SELENOO: variants seen among roughly 807,000 people sequenced by gnomAD.
SELENOO encodes the protein protein adenylyltransferase SelO, mitochondrial.
SELENOO carries 74 observed loss-of-function variants against 58.7 expected under a neutral mutation model. The observed-to-expected ratio is 1.26, with a 90% CI of 1.04 to 1.53. SELENOO has a LOEUF of 1.53. Ranked by LOEUF, SELENOO falls within the 40% of genes most tolerant of loss-of-function variation. The pLI is 0.00. For missense variants in SELENOO, 1,149 were observed against 970.0 expected (o/e 1.18, Z -2.45); for synonymous variants, 543 against 453.2 (o/e 1.20, Z -2.52).
In SELENOO at chr22:50,205,337, C is replaced by T. The variant is rs1415775704; in HGVS notation, c.555-980C>T. On this transcript the variant is annotated intron_variant, in intron 1 of 8. Coordinates refer to ENST00000380903, the MANE Select transcript of SELENOO (RefSeq NM_031454.2). The stretch of plus-strand genomic sequence containing the variant: ...CAGTGGCTCATGCCTGTAATCCTAG[C>T]ACTTTTGGGAGGCCAAGGTGAGAGG... Among the ~76,000 whole-genome samples the T allele has an allele frequency of 2.6e-5, 4 of 152,208 alleles. No individual in the cohort carries two copies. The South Asian group carries it at 8.3e-4, about 31-fold the overall frequency.
In SELENOO at chr22:50,201,377, G is replaced by T; in HGVS notation, c.341G>T (p.Arg114Leu). 2 of 1,221,274 alleles carry T rather than the reference G, an allele frequency of 1.6e-6. No homozygotes were observed. The highest frequency in any genetic ancestry group is 2.0e-6 in the Non-Finnish European group (2 of 981,780). The allele number at this position is 1,221,274 out of a possible 1,614,324, so 75.7% of individuals were successfully genotyped here. The change falls in exon 1 of 9, where the codon CGC becomes CTC. Residue 114 changes from arginine to leucine, a missense_variant. By Grantham distance (102) the Arg-to-Leu change is moderately radical (BLOSUM62 -2). Transcript: ENST00000380903. ...ALLGLGAPPA[R>L]EAEAEAALFF... The stretch of plus-strand genomic sequence containing the variant: ...CTGGGCCTGGGCGCGCCGCCCGCGC[G>T]CGAGGCCGAGGCCGAGGCCGCGCTG...
chr22:50,215,326 C>T (rs1030140135), intron 5 of SELENOO, among the ~76,000 whole-genome samples: 10 of 152,126 alleles, frequency 6.6e-5, no homozygotes, highest in Admixed American at 5.9e-4. Flanking sequence ...GAGCAAATGG[C>T]AGCTGCCTGG....
chr22:50,207,150 T>C (rs920222192), intron 2 of SELENOO, among the ~76,000 whole-genome samples: 32 of 151,974 alleles, frequency 2.1e-4, no homozygotes, highest in African/African-American at 7.0e-4. Context: ...TGAGACAGAG[T>C]ATCGCTCTGT....
chr22:50,201,483 CG>C lies in SELENOO; in HGVS notation c.450del (p.Gln151SerfsTer97). On this transcript the variant is annotated frameshift_variant, in exon 1 of 9. Transcript: ENST00000380903. LOFTEE classifies it high-confidence loss of function. ...YCGHQFGQFA[G>X]QLGDGAAMYL... ...GCGGCCACCAATTCGGCCAGTTCGCCGGGCAGCTGGGCGACGGCGCCGCCAT... is the reference window on the plus strand; with the variant it reads ...GCGGCCACCAATTCGGCCAGTTCGCCGGCAGCTGGGCGACGGCGCCGCCAT... 1 of 1,424,724 alleles carries C rather than the reference CG, an allele frequency of 7.0e-7. No homozygotes were observed. Among genetic ancestry groups the C allele is most frequent in the Non-Finnish European group, 9.2e-7 (1 of 1,087,326 alleles). The allele number at this position is 1,424,724 out of a possible 1,614,324, so 88.3% of individuals were successfully genotyped here.
chr22:50,210,355 G>A (rs1419589453), intron 4 of SELENOO, 44 bp downstream of exon 4: 2 of 1,596,662 alleles, frequency 1.3e-6, no homozygotes, highest in African/African-American at 1.4e-5. Context: ...CCCAGGGCTG[G>A]GGGGTGCGGG....
intron 1 of SELENOO, among the ~76,000 whole-genome samples, chr22:50,202,775 G>T (rs2064311333): frequency 6.6e-6 from 1 of 152,160 alleles, no homozygotes; most frequent in African/African-American, 2.4e-5. Flanking sequence ...TAAAAATTAA[G>T]GAGTCCTTTG....
intron 5 of SELENOO, among the ~76,000 whole-genome samples, chr22:50,215,365 G>GGGT (rs1194000578): frequency 6.6e-6 from 1 of 152,014 alleles, no homozygotes; most frequent in East Asian, 1.9e-4. Flanking sequence ...CTGAGGAGTG[G>GGGT]GGTGTGGAGG....
rs1415365353 is a variant in SELENOO at position 50,201,106 on chromosome 22, T to C, written c.70T>C (p.Ser24Pro). Residue 24 changes from serine to proline, a missense_variant, in exon 1 of 9, where the codon TCC becomes CCC. Coordinates refer to ENST00000380903, the MANE Select transcript of SELENOO (RefSeq NM_031454.2). ...AARLLPLGRC[S>P]PSPAPRSTLS... ...CCGACTCTTGCCCCTCGGTCGCTGT[T>C]CCCCGTCGCCGGCGCCCCGCTCTAC... 7.4e-7 allele frequency: 1 copy of C among 1,348,170 alleles called. No homozygotes were observed. The highest frequency in any genetic ancestry group is 1.8e-5 in the South Asian group (1 of 54,346). 83.5% of individuals were successfully genotyped at this position (1,348,170 alleles called of 1,614,324 possible). A position where few individuals can be genotyped will look rare whatever the true frequency, so the allele number is the denominator to read the frequency against.
In SELENOO at chr22:50,217,218, T is replaced by C; in HGVS notation, c.1859T>C (p.Leu620Pro). 1.9e-6 allele frequency: 3 copies of C among 1,611,180 alleles called. No homozygotes were observed. The South Asian group carries it at 3.3e-5, about 18-fold the overall frequency. The change falls in exon 9 of 9, where the codon CTG (leucine) becomes CCG (proline). Residue 620 changes from leucine (L) to proline (P), a missense_variant. Physicochemically the swap from Leu to Pro is moderately conservative, Grantham distance 98. Transcript: ENST00000380903. Reference protein sequence around the residue: ...RGDFSEVRRVLKLLETPYHCE... With the variant: ...RGDFSEVRRVPKLLETPYHCE... ...CTGATCCTCCAGGTGCGGCGGGTGC[T>C]GAAACTACTGGAGACCCCTTACCAC...
chr22:50,213,692 G>T (rs892201229), intron 5 of SELENOO, among the ~76,000 whole-genome samples: 1 of 151,996 alleles, frequency 6.6e-6, no homozygotes, highest in Non-Finnish European at 1.5e-5. Flanking sequence ...CTGTCACCCA[G>T]GCTGGAGTGC....
In SELENOO at chr22:50,216,676, C is replaced by G. The variant is rs772732111; in HGVS notation, c.1503-15C>G. 21 of 1,571,312 alleles carry G rather than the reference C, an allele frequency of 1.3e-5. No individual in the cohort carries two copies. The South Asian group carries it at 1.4e-4, about 10-fold the overall frequency. ...GGTCAGGGGCTACCTCCCAGACACC[C>G]TGGCCTCTCCACAGGCAGCTATCCA... On this transcript the variant is annotated splice_polypyrimidine_tract_variant and intron_variant, in intron 6 of 8. Coordinates refer to ENST00000380903, the MANE Select transcript of SELENOO (RefSeq NM_031454.2).
intron 3 of SELENOO, 88 bp from the exon 4 acceptor site, chr22:50,210,093 G>T: frequency 6.6e-7 from 1 of 1,504,858 alleles, no homozygotes; most frequent in Non-Finnish European, 9.0e-7. Context: ...GCGAAGCACA[G>T]CCGGTTTCAG....
At position 50,210,411 on chromosome 22, in the gene SELENOO, G is replaced by A. The variant is rs574819983; in HGVS notation, c.1070+100G>A. The A allele has an allele frequency of 1.3e-4, 194 of 1,487,196 alleles. 1 individual carries two copies. The African/African-American group carries it at 2.1e-3, about 16-fold the overall frequency. 92.1% of individuals were successfully genotyped at this position (1,487,196 alleles called of 1,614,324 possible). On this transcript the variant is annotated intron_variant, in intron 4 of 8. Transcript: ENST00000380903. Reference sequence around the variant, plus strand: ...CCAGGCACTGGCCCGTGATGCTTGAGGGGGAGCCGAGGGGGCTGGGGGCTG... The same window carrying A: ...CCAGGCACTGGCCCGTGATGCTTGAAGGGGAGCCGAGGGGGCTGGGGGCTG...
chr22:50,201,168 G>A lies in SELENOO; in HGVS notation c.132G>A (p.Trp44Ter). 1 of 1,244,180 alleles carries A rather than the reference G, an allele frequency of 8.0e-7. No homozygotes were observed. The highest frequency in any genetic ancestry group is 1.6e-5 in the African/African-American group (1 of 63,328). The allele number at this position is 1,244,180 out of a possible 1,614,324, so 77.1% of individuals were successfully genotyped here. A position where few individuals can be genotyped will look rare whatever the true frequency, so the allele number is the denominator to read the frequency against. ...CCGCCATGGAGCCCGCGCCTCGCTG[G>A]CTGGCGGGGCTGCGCTTCGACAACC... The part of the protein sequence containing the change: ...SGAAMEPAPR[W>*]LAGLRFDNRA... The change falls in exon 1 of 9, where the codon TGG becomes TGA. Residue 44 changes from tryptophan to a stop codon, truncating the protein, a stop_gained. Coordinates refer to ENST00000380903, the MANE Select transcript of SELENOO (RefSeq NM_031454.2). LOFTEE classifies it high-confidence loss of function.
At chr22:50,203,599 G>A (rs1039192883) in intron 1 of SELENOO, among the ~76,000 whole-genome samples, 2 of 152,226 alleles carry the variant, frequency 1.3e-5, no homozygotes, top group African/African-American at 4.8e-5. Context: ...TTCAACAAGT[G>A]TGCTGAGACC....
At chr22:50,210,487 T>C in intron 4 of SELENOO, 144 bp from the exon 5 acceptor site, 1 of 1,369,646 alleles carries the variant, frequency 7.3e-7, no homozygotes, top group African/African-American at 1.4e-5. Context: ...GGCCAGGGGC[T>C]GGTGAGACAG....
rs1372929684 is a variant in SELENOO at position 50,206,323 on chromosome 22, C to T, written c.561C>T (p.Ala187=). The T allele has an allele frequency of 1.3e-5, 21 of 1,613,422 alleles. No homozygotes were observed. Among genetic ancestry groups the T allele is most frequent in the Middle Eastern group, 1.7e-4 (1 of 5,864 alleles). ...GAGPTPFSRQ[A]DGRKVLRSSI... ...ACTCTGTGTTTGGTTTCAGACAGGC[C>T]GACGGTCGCAAGGTCCTACGGTCAA... The change falls in exon 2 of 9, where the codon GCC becomes GCT. Residue 187 remains alanine (A), a synonymous_variant. Transcript: ENST00000380903.
Position 50,206,556 on chromosome 22 carries a change from C to G in SELENOO, c.758+36C>G. The G allele has an allele frequency of 1.9e-6, 3 of 1,561,006 alleles. No homozygotes were observed. The South Asian group carries it at 3.5e-5, about 18-fold the overall frequency. On this transcript the variant is annotated intron_variant, in intron 2 of 8. Transcript: ENST00000380903. ...GGGCCTTTCGGCCTGTCTACACGCA[C>G]TTGCTTAGAGTCCTAGGAGATTTGG...
At chr22:50,212,526 G>A (rs1466031764) in intron 5 of SELENOO, among the ~76,000 whole-genome samples, 1 of 152,160 alleles carries the variant, frequency 6.6e-6, no homozygotes, top group Admixed American at 6.5e-5. Flanking sequence ...CACAGCTGAC[G>A]CAGGAGCAGT....
Sources: allele counts gnomAD v4.1 joint callset (sites outside exome capture counted in the v4.1 genomes callset), GRCh38; gene constraint gnomAD v4.1.1; transcripts MANE v1.5; gene names NCBI Gene and HGNC (gene_info 2026-07-23, HGNC 2026-07-21).